COL5A1: variants seen among roughly 807,000 people sequenced by gnomAD.
COL5A1 encodes collagen alpha-1(V) chain.
Under a neutral mutation model 263.7 loss-of-function variants are expected in COL5A1, and 16 were observed. The observed-to-expected ratio is 0.06, with a 90% CI of 0.04 to 0.09. The LOEUF is 0.09. Among genes scored for constraint, COL5A1 ranks in the 10% least tolerant of loss-of-function variants. The pLI is 1.00. For missense variants in COL5A1, 2,036 were observed against 2,540.5 expected (o/e 0.80, Z 4.27); for synonymous variants, 1,012 against 1,004.5 (o/e 1.01, Z -0.14).
chr9:134,750,555 G>A lies in COL5A1; in HGVS notation c.1508G>A (p.Arg503His), dbSNP rs146716315. Reference protein sequence around the residue: ...GDPGERGPPGRPGLPGADGLP... With the variant: ...GDPGERGPPGHPGLPGADGLP... Reference sequence around the variant, plus strand: ...CCTTGTCTTCAGGGCCCCCCTGGACGCCCAGGCCTTCCTGGGGCCGATGGC... The same window carrying A: ...CCTTGTCTTCAGGGCCCCCCTGGACACCCAGGCCTTCCTGGGGCCGATGGC... Residue 503 changes from arginine to histidine, a missense_variant, in exon 12 of 66, where the codon CGC becomes CAC. Physicochemically the swap from Arg to His is conservative, Grantham distance 29 (BLOSUM62 0). Coordinates refer to ENST00000371817, the MANE Select transcript of COL5A1 (RefSeq NM_000093.5). 19 of 1,613,584 alleles carry A rather than the reference G, an allele frequency of 1.2e-5. No individual in the cohort carries two copies. The highest frequency in any genetic ancestry group is 1.7e-4 in the Middle Eastern group (1 of 6,060).
intron 27 of COL5A1, among the ~76,000 whole-genome samples, chr9:134,777,847 G>T (rs904183459): frequency 1.3e-5 from 2 of 152,240 alleles, no homozygotes; most frequent in Non-Finnish European, 2.9e-5. Context: ...AGGACTCAGG[G>T]CAGGGAGGGG....
chr9:134,731,745 CAG>C (rs1834890666), intron 8 of COL5A1, 82 bp downstream of exon 8: 5 of 1,477,546 alleles, frequency 3.4e-6, no homozygotes, highest in East Asian at 2.3e-5. Context: ...AGAGCCTCCT[CAG>C]GGGTGGGCCT....
intron 48 of COL5A1, 42 bp downstream of exon 48, chr9:134,812,754 TGAG>T (rs1337048117): frequency 1.5e-6 from 2 of 1,340,926 alleles, no homozygotes; most frequent in Admixed American, 2.0e-5. Context: ...TGCGGTTGTT[TGAG>T]GAGTGTGTGT....
Position 134,785,018 on chromosome 9 carries a change from A to T in COL5A1, c.2514A>T (p.Gly838=). Residue 838 remains glycine (G), a synonymous_variant, in exon 30 of 66, where the codon GGA becomes GGT. Coordinates refer to ENST00000371817, the MANE Select transcript of COL5A1 (RefSeq NM_000093.5). ...AGATCGGCCCACCCGGTCCCAGGGG[A>T]GAAGATGGCCCTGAAGGCCCAAAGG... ...RGEIGPPGPR[G]EDGPEGPKGR... is the part of the protein sequence containing the mutation. 6.2e-7 allele frequency: 1 copy of T among 1,613,204 alleles called. No individual in the cohort carries two copies. Among genetic ancestry groups the T allele is most frequent in the South Asian group, 1.1e-5 (1 of 91,080 alleles).
rs1221298528 is a variant in COL5A1 at position 134,699,872 on chromosome 9, TC to T, written c.278-33del. 3 of 1,601,850 alleles carry T rather than the reference TC, an allele frequency of 1.9e-6. No homozygotes were observed. In the African/African-American group the frequency reaches 4.0e-5, roughly 21 times the overall value. Reference sequence around the variant, plus strand: ...CATGGCTGGGTGTGGTTGCAGGGGCTCCCCGACTGCCTTCTCACCTCTGTGC... The same window carrying T: ...CATGGCTGGGTGTGGTTGCAGGGGCTCCCGACTGCCTTCTCACCTCTGTGC... On this transcript the variant is annotated intron_variant, in intron 2 of 65. Transcript: ENST00000371817.
intron 4 of COL5A1, among the ~76,000 whole-genome samples, chr9:134,706,942 C>G (rs1833854938): frequency 6.6e-6 from 1 of 152,250 alleles, no homozygotes; most frequent in Non-Finnish European, 1.5e-5. Context: ...CCTTCCCCAG[C>G]CTGTGGCGGG....
At chr9:134,747,624 GATAC>G (rs1466640171) in intron 11 of COL5A1, among the ~76,000 whole-genome samples, 1 of 141,410 alleles carries the variant, frequency 7.1e-6, no homozygotes, top group African/African-American at 2.9e-5. Flanking sequence ...CACACATGCA[GATAC>G]ATGCACACAT....
chr9:134,812,297 G>T (rs1327814047), intron 46 of COL5A1, 152 bp from the exon 47 acceptor site: 2 of 742,636 alleles, frequency 2.7e-6, no homozygotes, highest in Non-Finnish European at 4.8e-6. Context: ...GGAACCCCGG[G>T]ACGTCCTCGT....
intron 18 of COL5A1, among the ~76,000 whole-genome samples, chr9:134,760,934 CACACATGCAT>C (rs1191887804): frequency 2.6e-5 from 4 of 150,972 alleles, no homozygotes; most frequent in Non-Finnish European, 4.4e-5. Context: ...CACACATGCA[CACACATGCAT>C]ACACACCCGC....
rs113397618 is a variant in COL5A1, at chr9:134,772,588, G to A, written c.2287-202G>A. On this transcript the variant is annotated intron_variant, in intron 25 of 65. Transcript: ENST00000371817. Reference sequence around the variant, plus strand: ...TTCCCATTTTGCAGATGGAGCAGCCGAGGTTCAGGGCCTGGCGGCTCGGGG... The same window carrying A: ...TTCCCATTTTGCAGATGGAGCAGCCAAGGTTCAGGGCCTGGCGGCTCGGGG... Among the ~76,000 whole-genome samples the A allele has an allele frequency of 1.3e-4, 20 of 152,340 alleles. No individual in the cohort carries two copies. In the East Asian group the frequency reaches 3.5e-3, roughly 27 times the overall value.
rs1267017064 is a variant in COL5A1, at chr9:134,812,530, T to C, written c.3744+28T>C. 4.3e-6 allele frequency: 7 copies of C among 1,613,646 alleles called. No homozygotes were observed. The Admixed American group carries it at 5.0e-5, about 12-fold the overall frequency. On this transcript the variant is annotated intron_variant, in intron 47 of 65. Transcript: ENST00000371817. The stretch of plus-strand genomic sequence containing the variant: ...AAGTGTGCCTGAGACTCCAAGGCCT[T>C]GCCGTACTAGCGGCTCATGTTTTGG...
intron 18 of COL5A1, among the ~76,000 whole-genome samples, chr9:134,759,981 ATG>A (rs1210957926): frequency 1.1e-5 from 1 of 89,910 alleles, no homozygotes; most frequent in Admixed American, 1.4e-4. Context: ...ATGCACACAC[ATG>A]CACACCCACA....
chr9:134,767,998 C>T (rs1836736425), intron 24 of COL5A1, among the ~76,000 whole-genome samples: 1 of 152,238 alleles, frequency 6.6e-6, no homozygotes, highest in African/African-American at 2.4e-5. Context: ...GGCTGTGGGC[C>T]TTGCACTGCA....
intron 41 of COL5A1, 35 bp from the exon 42 acceptor site, chr9:134,806,154 C>T (rs1283967662): frequency 2.1e-6 from 3 of 1,457,568 alleles, no homozygotes; most frequent in Admixed American, 2.0e-5. Context: ...AGTCTGAGAG[C>T]CTTTGAAGCA....
At chr9:134,670,821 T>A (rs1832518291) in intron 1 of COL5A1, among the ~76,000 whole-genome samples, 1 of 152,200 alleles carries the variant, frequency 6.6e-6, no homozygotes, top group African/African-American at 2.4e-5. Flanking sequence ...GTGTGCTGAG[T>A]CCCCACTGCG....
intron 13 of COL5A1, among the ~76,000 whole-genome samples, chr9:134,751,863 C>T (rs1835792482): frequency 1.3e-5 from 2 of 152,228 alleles, no homozygotes; most frequent in South Asian, 4.1e-4. Flanking sequence ...TGGTGTGTAG[C>T]AAACCCCACT....
intron 58 of COL5A1, among the ~76,000 whole-genome samples, chr9:134,820,906 C>A (rs1303960693): frequency 5.3e-5 from 8 of 152,132 alleles, no homozygotes; most frequent in African/African-American, 1.9e-4. Flanking sequence ...GACACACACA[C>A]GCACAGTATG....
chr9:134,649,704 AATC>A (rs1256454955), intron 1 of COL5A1: 2 of 352,042 alleles, frequency 5.7e-6, no homozygotes, highest in African/African-American at 4.3e-5. Context: ...AAGGATTATA[AATC>A]ATCCTACTAT....
chr9:134,729,954 T>G (rs898565831), intron 6 of COL5A1, among the ~76,000 whole-genome samples: 3 of 150,746 alleles, frequency 2.0e-5, no homozygotes, highest in Non-Finnish European at 3.0e-5. Flanking sequence ...TGAGATATGA[T>G]TCACCCTTTT....
Sources: allele counts gnomAD v4.1 joint callset (sites outside exome capture counted in the v4.1 genomes callset), GRCh38; gene constraint gnomAD v4.1.1; transcripts MANE v1.5; gene names NCBI Gene and HGNC (gene_info 2026-07-23, HGNC 2026-07-21).